REL: variants seen among roughly 807,000 people sequenced by gnomAD.
REL encodes the protein REL proto-oncogene, NF-kB subunit.
A neutral mutation model predicts 45.9 loss-of-function variants in REL; 15 were observed. The observed-to-expected ratio is 0.33, with a 90% CI of 0.22 to 0.50. The LOEUF (loss-of-function observed/expected upper bound fraction) is 0.50, where lower values mean the gene tolerates loss of function less well. Among genes scored for constraint, REL ranks in the 20% least tolerant of loss-of-function variants. REL has a pLI of 0.98. For missense variants in REL, 601 were observed against 715.2 expected (o/e 0.84, Z 1.82); for synonymous variants, 239 against 242.1 (o/e 0.99, Z 0.12).
At chr2:60,914,385 A>G (rs1220060201) in intron 4 of REL, among the ~76,000 whole-genome samples, 1 of 152,236 alleles carries the variant, frequency 6.6e-6, no homozygotes, top group Non-Finnish European at 1.5e-5. Flanking sequence ...AGAAGATTCA[A>G]AGCAAAATCT....
chr2:60,883,869 T>C (rs544079683), intron 1 of REL, among the ~76,000 whole-genome samples: 1 of 151,072 alleles, frequency 6.6e-6, no homozygotes, highest in South Asian at 2.1e-4. Flanking sequence ...TTTTGGTCTT[T>C]TCTAAGAGTT....
Position 60,922,573 on chromosome 2 carries a change from C to A in REL, c.*38C>A. On this transcript the variant is annotated 3_prime_UTR_variant, in exon 10 of 10. Coordinates refer to ENST00000394479, the MANE Select transcript of REL (RefSeq NM_001291746.2). The stretch of plus-strand genomic sequence containing the variant: ...AAATCCTTTTAAATCTTGATACCAC[C>A]TATATAGATGCAGCATTTTGTATTT... The A allele has an allele frequency of 6.6e-7, 1 of 1,526,310 alleles. No homozygotes were observed. Among genetic ancestry groups the A allele is most frequent in the Non-Finnish European group, 8.8e-7 (1 of 1,137,708 alleles). 94.5% of individuals were successfully genotyped at this position (1,526,310 alleles called of 1,614,324 possible).
At chr2:60,913,412 G>A (rs1317273277) in intron 4 of REL, among the ~76,000 whole-genome samples, 1 of 152,054 alleles carries the variant, frequency 6.6e-6, no homozygotes, top group Admixed American at 6.6e-5. Flanking sequence ...GCTAGTGGCC[G>A]GGTACACTAG....
Position 60,924,571 on chromosome 2 carries a change from A to G in REL, c.*2036A>G, listed in dbSNP as rs1244511618. The G allele has an allele frequency of 9.3e-6, 2 of 216,024 alleles. No individual in the cohort carries two copies. Among genetic ancestry groups the G allele is most frequent in the African/African-American group, 2.3e-5 (1 of 44,410 alleles). 13.4% of individuals were successfully genotyped at this position (216,024 alleles called of 1,614,324 possible). A position where few individuals can be genotyped will look rare whatever the true frequency, so the allele number is the denominator to read the frequency against. Reference sequence around the variant, plus strand: ...TTGAAAGGAAAATAATCCCAGTGGCAAAATGATGGTAGAATTTGGGTAATC... The same window carrying G: ...TTGAAAGGAAAATAATCCCAGTGGCGAAATGATGGTAGAATTTGGGTAATC... On this transcript the variant is annotated 3_prime_UTR_variant, in exon 10 of 10. Transcript: ENST00000394479.
At chr2:60,883,204 G>A (rs973667753) in intron 1 of REL, among the ~76,000 whole-genome samples, 1 of 152,198 alleles carries the variant, frequency 6.6e-6, no homozygotes, top group Non-Finnish European at 1.5e-5. Flanking sequence ...AAACTGCCTG[G>A]TCCAGTGACC....
chr2:60,907,969 G>T (rs1177586370), intron 4 of REL, among the ~76,000 whole-genome samples: 1 of 151,936 alleles, frequency 6.6e-6, no homozygotes, highest in Non-Finnish European at 1.5e-5. Flanking sequence ...TGGGATTACA[G>T]GCTTGAGCCA....
intron 2 of REL, among the ~76,000 whole-genome samples, chr2:60,892,982 T>G (rs754540469): frequency 1.4e-4 from 21 of 152,182 alleles, no homozygotes; most frequent in Non-Finnish European, 2.5e-4. Flanking sequence ...CTCAATCTCC[T>G]GACCTCGTGA....
At position 60,930,716 on chromosome 2, in the gene REL, C is replaced by G. The variant is rs1242293853; in HGVS notation, c.*8181C>G. The G allele has an allele frequency of 2.6e-5, 4 of 152,276 alleles. No homozygotes were observed. Among genetic ancestry groups the G allele is most frequent in the Non-Finnish European group, 5.9e-5 (4 of 68,012 alleles). The allele number at this position is 152,276 out of a possible 1,614,324, so 9.4% of individuals were successfully genotyped here. On this transcript the variant is annotated 3_prime_UTR_variant, in exon 10 of 10. Transcript: ENST00000394479. ...TTCAAAAGTAATCACTCTATTTATTCTAAATGTCTGTGGCTTTAGGAAAAT... is the reference window on the plus strand; with the variant it reads ...TTCAAAAGTAATCACTCTATTTATTGTAAATGTCTGTGGCTTTAGGAAAAT...
Position 60,922,152 on chromosome 2 carries a change from A to G in REL, c.1381A>G (p.Asn461Asp), listed in dbSNP as rs1558822806. The change falls in exon 10 of 10, where the codon AAT becomes GAT. Residue 461 changes from asparagine to aspartate, a missense_variant. Coordinates refer to ENST00000394479, the MANE Select transcript of REL (RefSeq NM_001291746.2). ...TATTTCTGATCCCAACATGCTGTCT[A>G]ATTGTTCTGTGAATATGATGACAAC... ...YGISDPNMLS[N>D]CSVNMMTTSS... 7 of 1,614,142 alleles carry G rather than the reference A, an allele frequency of 4.3e-6. No individual in the cohort carries two copies. The highest frequency in any genetic ancestry group is 5.1e-6 in the Non-Finnish European group (6 of 1,180,016).
At chr2:60,914,480 G>T (rs9309331) in intron 4 of REL, among the ~76,000 whole-genome samples, 1 of 151,846 alleles carries the variant, frequency 6.6e-6, no homozygotes, top group African/African-American at 2.4e-5. Context: ...TTTGAACTTT[G>T]GCTTATTGAC....
chr2:60,906,063 G>A (rs1351487885), intron 4 of REL, among the ~76,000 whole-genome samples: 1 of 152,136 alleles, frequency 6.6e-6, no homozygotes, highest in Non-Finnish European at 1.5e-5. Flanking sequence ...CTTAGATGGT[G>A]GCAGCAAGAG....
chr2:60,906,913 A>ATATATATTTT (rs1311506982), intron 4 of REL, among the ~76,000 whole-genome samples: 5 of 104,304 alleles, frequency 4.8e-5, no homozygotes, highest in Non-Finnish European at 9.0e-5. Flanking sequence ...ATATATATAT[A>ATATATATTTT]TTTTTTTTTT....
chr2:60,914,501 A>G (rs911355871), intron 4 of REL, among the ~76,000 whole-genome samples: 47 of 147,398 alleles, frequency 3.2e-4, no homozygotes, highest in African/African-American at 1.1e-3. Flanking sequence ...CAGTTTGTTT[A>G]TTTTTCTTTT....
intron 3 of REL, among the ~76,000 whole-genome samples, chr2:60,898,500 A>G (rs1434530351): frequency 1.3e-5 from 2 of 152,174 alleles, no homozygotes; most frequent in Non-Finnish European, 2.9e-5. Context: ...CTGTTCCAGC[A>G]TAGGCTCCCA....
intron 1 of REL, among the ~76,000 whole-genome samples, chr2:60,883,223 T>C (rs1672991658): frequency 6.6e-6 from 1 of 152,152 alleles, no homozygotes; most frequent in South Asian, 2.1e-4. Flanking sequence ...CCCTCAGAAG[T>C]AGGCTGATGT....
chr2:60,914,541 C>G (rs1253649961), intron 4 of REL, among the ~76,000 whole-genome samples: 1 of 152,086 alleles, frequency 6.6e-6, no homozygotes, highest in African/African-American at 2.4e-5. Flanking sequence ...TTAAAATAAA[C>G]TTTTATTGAG....
chr2:60,896,209 A>T (rs577156559), intron 3 of REL, among the ~76,000 whole-genome samples: 1 of 152,186 alleles, frequency 6.6e-6, no homozygotes, highest in East Asian at 1.9e-4. Context: ...GGGTTTCACC[A>T]TGTTGGCTGG....
At chr2:60,892,848 A>G (rs990126554) in intron 2 of REL, among the ~76,000 whole-genome samples, 1 of 148,444 alleles carries the variant, frequency 6.7e-6, no homozygotes, top group Non-Finnish European at 1.5e-5. Context: ...TCCACCTCCC[A>G]GGTTCAAGCA....
intron 6 of REL, 49 bp downstream of exon 6, chr2:60,918,344 G>A (rs779536614): frequency 6.4e-7 from 1 of 1,554,258 alleles, no homozygotes; most frequent in East Asian, 2.2e-5. Flanking sequence ...ATTAATAGAT[G>A]CAGTTACTTT....
Sources: gnomAD v4.1 joint callset for allele counts (sites outside exome capture counted in the v4.1 genomes callset) on GRCh38, gnomAD v4.1.1 for gene constraint, MANE v1.5 for transcripts, NCBI Gene and HGNC (gene_info 2026-07-23, HGNC 2026-07-21) for gene names.